Variants in CADPS2 observed in about 807,000 individuals in gnomAD.
CADPS2 encodes calcium dependent secretion activator 2, also known as calcium-dependent secretion activator 2.
In CADPS2, 93 loss-of-function variants were observed where a neutral mutation model predicts 172.5. The observed-to-expected ratio is 0.54, with a 90% CI of 0.46 to 0.64. CADPS2 has a LOEUF of 0.64. CADPS2 is among the 30% of genes least tolerant of loss of function. The pLI, the probability that CADPS2 is intolerant of heterozygous loss-of-function variation, is 0.00. For synonymous variants in CADPS2, 546 were observed against 555.2 expected (o/e 0.98, Z 0.23); for missense variants, 1,420 against 1,565.9 (o/e 0.91, Z 1.57).
intron 1 of CADPS2, among the ~76,000 whole-genome samples, chr7:122,801,425 T>C (rs980965702): frequency 2.6e-5 from 4 of 152,202 alleles, no homozygotes; most frequent in Non-Finnish European, 4.4e-5. Context: ...GCTTGAAAGA[T>C]TTTGATCTAA....
intron 3 of CADPS2, among the ~76,000 whole-genome samples, chr7:122,654,230 T>C (rs1195627756): frequency 6.6e-6 from 1 of 152,214 alleles, no homozygotes; most frequent in African/African-American, 2.4e-5. Flanking sequence ...CAAGTGCTGA[T>C]GTAGAAGCTG....
chr7:122,747,804 C>G (rs1047696016), intron 1 of CADPS2, among the ~76,000 whole-genome samples: 6 of 150,348 alleles, frequency 4.0e-5, no homozygotes, highest in Non-Finnish European at 5.9e-5. Flanking sequence ...CTTCAAAACG[C>G]CGTCCCATTC....
At chr7:122,575,942 A>G (rs532575214) in intron 7 of CADPS2, among the ~76,000 whole-genome samples, 137 of 152,308 alleles carry the variant, frequency 9.0e-4, no homozygotes, top group African/African-American at 3.2e-3. Context: ...TTACCATGGT[A>G]CATTTGTTAT....
intron 15 of CADPS2, 36 bp downstream of exon 15, chr7:122,451,338 G>T: frequency 9.0e-7 from 1 of 1,114,470 alleles, no homozygotes; most frequent in Non-Finnish European, 1.2e-6. Context: ...AGTAAAGTAT[G>T]AAAAGAAATA....
rs73718028 is a variant in CADPS2, at chr7:122,850,430, T to C, written c.339+35569A>G. On this transcript the variant is annotated intron_variant, in intron 1 of 29. Coordinates refer to ENST00000449022, the MANE Select transcript of CADPS2 (RefSeq NM_017954.11). ...GATTGAATCCCTCCCAAAGCACTTA[T>C]GGATTCTTCTGAGGTGTGCTCCAAC... is the stretch of plus-strand genomic sequence containing the variant. The C allele has an allele frequency of 9.2e-3, 2,494 of 270,246 alleles. 57 individuals are homozygous for C. Among genetic ancestry groups the C allele is most frequent in the African/African-American group, 0.051 (2,301 of 44,758 alleles). The allele number at this position is 270,246 out of a possible 1,614,324, so 16.7% of individuals were successfully genotyped here.
chr7:122,787,860 T>C (rs1794404830), intron 1 of CADPS2, among the ~76,000 whole-genome samples: 1 of 152,172 alleles, frequency 6.6e-6, no homozygotes, highest in African/African-American at 2.4e-5. Context: ...AACCATCTGA[T>C]TCTTCATCCT....
At chr7:122,878,755 C>T (rs1822034983) in intron 1 of CADPS2, among the ~76,000 whole-genome samples, 1 of 151,834 alleles carries the variant, frequency 6.6e-6, no homozygotes, top group Non-Finnish European at 1.5e-5. Context: ...AACTTATAGA[C>T]ATACAACCTG....
chr7:122,504,757 G>A (rs2059484733), intron 9 of CADPS2, among the ~76,000 whole-genome samples: 1 of 151,950 alleles, frequency 6.6e-6, no homozygotes, highest in African/African-American at 2.4e-5. Context: ...CAGACATGGG[G>A]TCTCACTACG....
At chr7:122,481,085 G>A (rs2057234594) in intron 11 of CADPS2, among the ~76,000 whole-genome samples, 1 of 151,854 alleles carries the variant, frequency 6.6e-6, no homozygotes, top group Admixed American at 6.5e-5. Flanking sequence ...GAACTCTGGA[G>A]GAATTCATGG....
intron 14 of CADPS2, among the ~76,000 whole-genome samples, chr7:122,455,744 T>A (rs1413867499): frequency 6.6e-6 from 1 of 152,182 alleles, no homozygotes; most frequent in Admixed American, 6.5e-5. Flanking sequence ...TCTCCCTCTG[T>A]CACCCAGGCT....
intron 1 of CADPS2, among the ~76,000 whole-genome samples, chr7:122,868,691 T>C (rs534146874): frequency 4.6e-5 from 7 of 152,294 alleles, no homozygotes; most frequent in Admixed American, 3.9e-4. Context: ...AACAGAAAGA[T>C]GTTCCAAATA....
intron 25 of CADPS2, among the ~76,000 whole-genome samples, chr7:122,363,499 G>T (rs1364309126): frequency 6.7e-6 from 1 of 149,502 alleles, no homozygotes; most frequent in Non-Finnish European, 1.5e-5. Context: ...TGATGAATTT[G>T]CTGAGGGACA....
intron 1 of CADPS2, among the ~76,000 whole-genome samples, chr7:122,761,034 G>C (rs541178095): frequency 6.6e-6 from 1 of 152,096 alleles, no homozygotes; most frequent in African/African-American, 2.4e-5. Context: ...GTAAAAGCAG[G>C]GGTGGGAGGT....
intron 6 of CADPS2, among the ~76,000 whole-genome samples, chr7:122,611,423 G>A (rs895644382): frequency 6.6e-6 from 1 of 151,972 alleles, no homozygotes; most frequent in Non-Finnish European, 1.5e-5. Flanking sequence ...ATGATCAAAT[G>A]TGTAACAATA....
chr7:122,476,937 G>A (rs2056683805), intron 12 of CADPS2, among the ~76,000 whole-genome samples: 1 of 131,274 alleles, frequency 7.6e-6, no homozygotes, highest in South Asian at 2.6e-4. Context: ...AAATAAAAAA[G>A]TAACAGTCTT....
chr7:122,848,830 A>T (rs1812734662), intron 1 of CADPS2, among the ~76,000 whole-genome samples: 1 of 152,184 alleles, frequency 6.6e-6, no homozygotes, highest in Non-Finnish European at 1.5e-5. Context: ...AAAATAAGGA[A>T]GATGGGAAAG....
chr7:122,836,663 G>A (rs1273358853), intron 1 of CADPS2, among the ~76,000 whole-genome samples: 1 of 152,082 alleles, frequency 6.6e-6, no homozygotes, highest in African/African-American at 2.4e-5. Flanking sequence ...AACCAACAAA[G>A]ATCAAAAGAG....
At chr7:122,764,738 C>G (rs1188822733) in intron 1 of CADPS2, among the ~76,000 whole-genome samples, 1 of 152,002 alleles carries the variant, frequency 6.6e-6, no homozygotes, top group Non-Finnish European at 1.5e-5. Flanking sequence ...GTGGGAGGAA[C>G]AGACCAAGTA....
intron 19 of CADPS2, among the ~76,000 whole-genome samples, chr7:122,410,787 G>A (rs1158315153): frequency 1.3e-5 from 2 of 152,176 alleles, no homozygotes; most frequent in Admixed American, 6.5e-5. Flanking sequence ...AATCTTATGT[G>A]AGTTTATGTG....
Sources: gnomAD v4.1 joint callset for allele counts (sites outside exome capture counted in the v4.1 genomes callset) on GRCh38, gnomAD v4.1.1 for gene constraint, MANE v1.5 for transcripts, NCBI Gene and HGNC (gene_info 2026-07-23, HGNC 2026-07-21) for gene names.